Variants in ZNF385D observed in about 807,000 individuals in gnomAD.
ZNF385D encodes the protein zinc finger protein 385D.
Under a neutral mutation model 35.8 loss-of-function variants are expected in ZNF385D, and 15 were observed. The observed-to-expected ratio is 0.42, with a 90% CI of 0.28 to 0.64. The LOEUF (loss-of-function observed/expected upper bound fraction) is 0.64. Ranked by LOEUF, ZNF385D falls within the 30% of genes least tolerant of loss-of-function variation. The probability of loss-of-function intolerance (pLI) is 0.23; values close to 1 mark genes in which losing one functional copy is unlikely to be tolerated. For synonymous variants in ZNF385D, 212 were observed against 186.8 expected (o/e 1.13, Z -1.10); for missense variants, 474 against 494.6 (o/e 0.96, Z 0.39).
chr3:22,164,377 C>T (rs1395554614), intron 3 of ZNF385D, among the ~76,000 whole-genome samples: 5 of 151,584 alleles, frequency 3.3e-5, no homozygotes, highest in African/African-American at 7.3e-5. Flanking sequence ...TACAGGCATG[C>T]GCCACCACGT....
At chr3:22,122,800 G>A (rs1703163018) in intron 3 of ZNF385D, among the ~76,000 whole-genome samples, 1 of 152,138 alleles carries the variant, frequency 6.6e-6, no homozygotes, top group African/African-American at 2.4e-5. Flanking sequence ...GCAGTTTTCT[G>A]AAAATACTTT....
chr3:21,571,217 T>G (rs1196264547), intron 2 of ZNF385D, among the ~76,000 whole-genome samples: 1 of 152,216 alleles, frequency 6.6e-6, no homozygotes, highest in African/African-American at 2.4e-5. Context: ...TTGCACTTCA[T>G]AAAAATATAA....
At chr3:22,124,757 T>C (rs1703329153) in intron 3 of ZNF385D, among the ~76,000 whole-genome samples, 1 of 152,198 alleles carries the variant, frequency 6.6e-6, no homozygotes, top group Admixed American at 6.5e-5. Flanking sequence ...CCACTTTTAA[T>C]TGGATAAATA....
At chr3:22,367,932 G>A (rs368597454) in intron 2 of ZNF385D, among the ~76,000 whole-genome samples, 2 of 152,124 alleles carry the variant, frequency 1.3e-5, no homozygotes, top group Non-Finnish European at 2.9e-5. Context: ...TTCTCATGGG[G>A]ACAAATAGGT....
intron 4 of ZNF385D, among the ~76,000 whole-genome samples, chr3:21,477,027 A>G (rs985208998): frequency 2.0e-5 from 3 of 152,098 alleles, no homozygotes; most frequent in African/African-American, 7.2e-5. Flanking sequence ...CTTCCAGCCT[A>G]CAATATTTAA....
chr3:21,876,468 TAATA>T (rs1002229643), intron 3 of ZNF385D, among the ~76,000 whole-genome samples: 4 of 151,366 alleles, frequency 2.6e-5, no homozygotes, highest in African/African-American at 9.7e-5. Flanking sequence ...AAATTATATA[TAATA>T]TATATATTCT....
At chr3:21,698,295 C>A (rs529734754) in intron 1 of ZNF385D, among the ~76,000 whole-genome samples, 21 of 152,142 alleles carry the variant, frequency 1.4e-4, no homozygotes, top group Admixed American at 4.6e-4. Context: ...ATATCTTTTA[C>A]AGCACCATGA....
At chr3:22,045,010 T>A (rs1477462414) in intron 3 of ZNF385D, among the ~76,000 whole-genome samples, 1 of 152,088 alleles carries the variant, frequency 6.6e-6, no homozygotes, top group African/African-American at 2.4e-5. Flanking sequence ...CAAAACTCAA[T>A]CTCGAAAAAA....
intron 1 of ZNF385D, among the ~76,000 whole-genome samples, chr3:21,726,516 C>T (rs189506348): frequency 1.3e-5 from 2 of 152,124 alleles, no homozygotes; most frequent in Non-Finnish European, 2.9e-5. Flanking sequence ...AAATCACAAG[C>T]GTTCCTGTAC....
chr3:21,630,974 G>A (rs1219437722), intron 2 of ZNF385D, among the ~76,000 whole-genome samples: 2 of 152,028 alleles, frequency 1.3e-5, no homozygotes, highest in Admixed American at 6.6e-5. Flanking sequence ...GTCATCTATC[G>A]AGTTTCGTAG....
chr3:22,069,301 A>G (rs1700117888), intron 3 of ZNF385D, among the ~76,000 whole-genome samples: 1 of 152,156 alleles, frequency 6.6e-6, no homozygotes, highest in Non-Finnish European at 1.5e-5. Flanking sequence ...TCACCACAAG[A>G]GATCTCTCAC....
At chr3:22,345,286 C>CA (rs1695607333) in intron 2 of ZNF385D, among the ~76,000 whole-genome samples, 1 of 152,136 alleles carries the variant, frequency 6.6e-6, no homozygotes, top group African/African-American at 2.4e-5. Flanking sequence ...AAAAGGTTTC[C>CA]AACTCTTCAG....
intron 3 of ZNF385D, among the ~76,000 whole-genome samples, chr3:21,953,040 A>G (rs1188665449): frequency 6.6e-6 from 1 of 151,838 alleles, no homozygotes; most frequent in African/African-American, 2.4e-5. Flanking sequence ...TAGTTTCTTT[A>G]TTTTCCAGCT....
At chr3:21,877,068 G>A (rs1221434637) in intron 3 of ZNF385D, among the ~76,000 whole-genome samples, 2 of 152,062 alleles carry the variant, frequency 1.3e-5, no homozygotes, top group East Asian at 3.9e-4. Flanking sequence ...CCCCTAGAGG[G>A]TTGTAACTAC....
chr3:21,546,041 T>C (rs1057297744), intron 3 of ZNF385D, among the ~76,000 whole-genome samples: 1 of 152,194 alleles, frequency 6.6e-6, no homozygotes, highest in African/African-American at 2.4e-5. Flanking sequence ...AAGTCTATTT[T>C]GCAAACTACT....
At chr3:22,325,988 C>A (rs1275652035) in intron 2 of ZNF385D, among the ~76,000 whole-genome samples, 2 of 152,090 alleles carry the variant, frequency 1.3e-5, no homozygotes, top group Non-Finnish European at 2.9e-5. Context: ...GGTGCACCAT[C>A]TTCCCTTTCT....
At chr3:21,735,596 G>T (rs751869067) in intron 1 of ZNF385D, among the ~76,000 whole-genome samples, 2 of 152,166 alleles carry the variant, frequency 1.3e-5, no homozygotes, top group Non-Finnish European at 2.9e-5. Context: ...ATGGCTCAAT[G>T]AACAGAGGGG....
At chr3:21,598,668 G>C (rs2064194180) in intron 2 of ZNF385D, among the ~76,000 whole-genome samples, 1 of 152,170 alleles carries the variant, frequency 6.6e-6, no homozygotes, top group African/African-American at 2.4e-5. Flanking sequence ...ATTTATGTCT[G>C]AAGTTATTTT....
intron 3 of ZNF385D, among the ~76,000 whole-genome samples, chr3:21,823,357 A>G (rs1436524650): frequency 1.3e-5 from 2 of 152,228 alleles, no homozygotes; most frequent in African/African-American, 4.8e-5. Flanking sequence ...GGCAATTGTT[A>G]TTTGTATCCT....
Sources: allele counts gnomAD v4.1 joint callset (sites outside exome capture counted in the v4.1 genomes callset), GRCh38; gene constraint gnomAD v4.1.1; transcripts MANE v1.5; gene names NCBI Gene and HGNC (gene_info 2026-07-23, HGNC 2026-07-21).